Variants in TTC28 observed in about 807,000 individuals in gnomAD.
TTC28 encodes the protein tetratricopeptide repeat protein 28.
A neutral mutation model predicts 198.0 loss-of-function variants in TTC28; 61 were observed. The observed-to-expected ratio is 0.31, with a 90% CI of 0.25 to 0.38. The LOEUF is 0.38. Ranked by LOEUF, TTC28 falls within the 10% of genes least tolerant of loss-of-function variation. The pLI is 1.00. For synonymous variants in TTC28, 1,171 were observed against 1,297.8 expected (o/e 0.90, Z 2.10); for missense variants, 2,678 against 3,164.0 (o/e 0.85, Z 3.69).
At chr22:28,426,986 G>A (rs1177618834) in intron 2 of TTC28, among the ~76,000 whole-genome samples, 1 of 152,064 alleles carries the variant, frequency 6.6e-6, no homozygotes, top group Non-Finnish European at 1.5e-5. Context: ...ATTCACCAAG[G>A]GAACTATGCT....
chr22:28,284,150 T>C lies in TTC28; in HGVS notation c.933+12048A>G, dbSNP rs6005753. ...CTCCTCAAAGGCAAGAATGATGGCA[T>C]ATTCATCTTTATATCCAAAGGCATT... On this transcript the variant is annotated intron_variant, in intron 5 of 22. Coordinates refer to ENST00000397906, the MANE Select transcript of TTC28 (RefSeq NM_001145418.2). 3.2e-3 allele frequency among the ~76,000 whole-genome samples: 487 copies of C among 152,304 alleles called. 3 individuals carry two copies. Among genetic ancestry groups the C allele is most frequent in the African/African-American group, 0.01 (436 of 41,564 alleles).
At chr22:28,482,503 C>T (rs568178079) in intron 2 of TTC28, among the ~76,000 whole-genome samples, 2 of 151,816 alleles carry the variant, frequency 1.3e-5, no homozygotes, top group East Asian at 2.0e-4. Context: ...CCACCGCGCC[C>T]GGCCAGTAAT....
At chr22:28,154,280 A>G (rs1943690873) in intron 6 of TTC28, among the ~76,000 whole-genome samples, 1 of 151,830 alleles carries the variant, frequency 6.6e-6, no homozygotes, top group African/African-American at 2.4e-5. Flanking sequence ...AATCATTGTT[A>G]TGCAACTACA....
At chr22:28,204,489 T>C (rs946488340) in intron 5 of TTC28, among the ~76,000 whole-genome samples, 5 of 152,152 alleles carry the variant, frequency 3.3e-5, no homozygotes, top group African/African-American at 4.8e-5. Context: ...ATTTTCCATA[T>C]TGCACTGGAA....
chr22:28,649,164 A>T (rs966265587), intron 1 of TTC28, among the ~76,000 whole-genome samples: 3 of 152,170 alleles, frequency 2.0e-5, no homozygotes, highest in African/African-American at 7.2e-5. Context: ...AGCTATGGGT[A>T]CACAAAGACA....
At chr22:28,130,480 C>T (rs1368976548) in intron 6 of TTC28, among the ~76,000 whole-genome samples, 1 of 152,190 alleles carries the variant, frequency 6.6e-6, no homozygotes, top group East Asian at 1.9e-4. Flanking sequence ...AAATTATTAG[C>T]ATAATCCTGT....
chr22:28,466,820 TACACACACACACAC>T (rs58512456), intron 2 of TTC28, among the ~76,000 whole-genome samples: 24 of 143,914 alleles, frequency 1.7e-4, no homozygotes, highest in Non-Finnish European at 2.9e-4. Flanking sequence ...TATACATACA[TACACACACACACAC>T]ACACACACAC....
At chr22:28,540,212 C>T (rs1036421637) in intron 2 of TTC28, among the ~76,000 whole-genome samples, 13 of 151,994 alleles carry the variant, frequency 8.6e-5, no homozygotes, top group Non-Finnish European at 1.3e-4. Flanking sequence ...TCCCAAAGTG[C>T]TGGGATTACA....
rs556316759 is a variant in TTC28, at chr22:28,098,837, A to G, written c.3547+78T>C. On this transcript the variant is annotated intron_variant, in intron 10 of 22. Coordinates refer to ENST00000397906, the MANE Select transcript of TTC28 (RefSeq NM_001145418.2). ...ATCATATTTCTTCACCGCTGTCACTAAACAACTTGGACACATGGACGCGCA... is the reference window on the plus strand; with the variant it reads ...ATCATATTTCTTCACCGCTGTCACTGAACAACTTGGACACATGGACGCGCA... The G allele has an allele frequency of 1.9e-5, 28 of 1,490,022 alleles. No individual in the cohort carries two copies. In the East Asian group the frequency reaches 6.5e-4, roughly 34 times the overall value. The allele number at this position is 1,490,022 out of a possible 1,614,324, so 92.3% of individuals were successfully genotyped here.
At chr22:28,334,762 G>A (rs1221634033) in intron 2 of TTC28, among the ~76,000 whole-genome samples, 2 of 152,140 alleles carry the variant, frequency 1.3e-5, no homozygotes, top group Admixed American at 6.6e-5. Flanking sequence ...TTTGTCAGAT[G>A]AGCAGATTGC....
At position 28,207,475 on chromosome 22, in the gene TTC28, A is replaced by T. The variant is rs548154768; in HGVS notation, c.934-43876T>A. Among the ~76,000 whole-genome samples, 35 of 152,172 alleles carry T rather than the reference A, an allele frequency of 2.3e-4. 1 individual carries two copies. In the Middle Eastern group the frequency reaches 0.014, roughly 60 times the overall value. ...ATGGCTCTACTATTTAATATGAATG[A>T]CCTCAGACAAGTTACTAATCCTTCC... On this transcript the variant is annotated intron_variant, in intron 5 of 22. Coordinates refer to ENST00000397906, the MANE Select transcript of TTC28 (RefSeq NM_001145418.2).
chr22:28,187,967 C>T (rs949216668), intron 5 of TTC28, among the ~76,000 whole-genome samples: 1 of 152,140 alleles, frequency 6.6e-6, no homozygotes, highest in Admixed American at 6.5e-5. Context: ...CAAATGTTTG[C>T]AAAGCAAAGT....
intron 2 of TTC28, among the ~76,000 whole-genome samples, chr22:28,499,256 G>C (rs553326378): frequency 6.6e-6 from 1 of 152,066 alleles, no homozygotes; most frequent in Admixed American, 6.6e-5. Context: ...AGATGTGACT[G>C]TGAAAAAATG....
intron 2 of TTC28, among the ~76,000 whole-genome samples, chr22:28,484,122 G>GT (rs1228746505): frequency 1.3e-5 from 2 of 151,768 alleles, no homozygotes; most frequent in African/African-American, 4.8e-5. Flanking sequence ...TTTTGTTTTT[G>GT]TTTTGTTTTG....
chr22:28,510,646 T>G (rs562141857), intron 2 of TTC28, among the ~76,000 whole-genome samples: 2 of 152,170 alleles, frequency 1.3e-5, no homozygotes, highest in Admixed American at 6.5e-5. Flanking sequence ...GTATTGGAAG[T>G]TCTCGCGAGG....
intron 5 of TTC28, among the ~76,000 whole-genome samples, chr22:28,258,604 T>C (rs1601541046): frequency 1.3e-5 from 2 of 152,062 alleles, no homozygotes; most frequent in Admixed American, 6.6e-5. Flanking sequence ...CCCCAGAGCA[T>C]ATCAGAAATG....
chr22:28,169,419 C>T (rs1922406166), intron 5 of TTC28, among the ~76,000 whole-genome samples: 1 of 152,130 alleles, frequency 6.6e-6, no homozygotes, highest in Non-Finnish European at 1.5e-5. Context: ...TTGGAACCAA[C>T]CCAAATGTCC....
intron 5 of TTC28, among the ~76,000 whole-genome samples, chr22:28,179,976 T>TTTTTAA (rs1923544701): frequency 6.6e-6 from 1 of 152,202 alleles, no homozygotes; most frequent in South Asian, 2.1e-4. Flanking sequence ...CGTTCTAAAA[T>TTTTTAA]CAGAGATTTA....
At chr22:28,234,152 G>A (rs1004396848) in intron 5 of TTC28, among the ~76,000 whole-genome samples, 8 of 151,354 alleles carry the variant, frequency 5.3e-5, no homozygotes, top group African/African-American at 1.5e-4. Flanking sequence ...GTGATCCGCC[G>A]GCCTCGGCCT....
Sources: gnomAD v4.1 joint callset for allele counts (sites outside exome capture counted in the v4.1 genomes callset) on GRCh38, gnomAD v4.1.1 for gene constraint, MANE v1.5 for transcripts, NCBI Gene and HGNC (gene_info 2026-07-23, HGNC 2026-07-21) for gene names.